ARFGEF1: variants seen among roughly 807,000 people sequenced by gnomAD.
ARFGEF1 encodes the protein ARF guanine nucleotide exchange factor 1.
ARFGEF1 carries 42 observed loss-of-function variants against 231.0 expected under a neutral mutation model. That is an observed-to-expected ratio of 0.18 (90% CI 0.14 to 0.24). ARFGEF1 has a LOEUF of 0.24. Ranked by LOEUF, ARFGEF1 falls within the 10% of genes least tolerant of loss-of-function variation. The pLI, the probability that ARFGEF1 is intolerant of heterozygous loss-of-function variation, is 1.00. For missense variants in ARFGEF1, 1,345 were observed against 2,192.0 expected, an observed-to-expected ratio of 0.61 and a Z score of 7.72; for synonymous variants, 710 against 732.3, an observed-to-expected ratio of 0.97 and a Z score of 0.49.
chr8:67,340,356 C>A (rs1808570723), intron 1 of ARFGEF1, among the ~76,000 whole-genome samples: 1 of 151,342 alleles, frequency 6.6e-6, no homozygotes, highest in East Asian at 1.9e-4. Context: ...CACCTACCCA[C>A]TCACAATCTA....
chr8:67,284,702 A>C (rs1018610478), intron 7 of ARFGEF1, among the ~76,000 whole-genome samples: 1 of 152,184 alleles, frequency 6.6e-6, no homozygotes, highest in African/African-American at 2.4e-5. Context: ...CGTGAAGTAG[A>C]ACTACAAATA....
intron 5 of ARFGEF1, among the ~76,000 whole-genome samples, chr8:67,187,729 C>CT (rs1554623305): frequency 6.6e-6 from 1 of 152,148 alleles, no homozygotes; most frequent in Non-Finnish European, 1.5e-5. Context: ...CAGCTGATCT[C>CT]TGACAGAGGA....
At chr8:67,287,179 CTG>C (rs1439551792) in intron 7 of ARFGEF1, among the ~76,000 whole-genome samples, 2 of 152,210 alleles carry the variant, frequency 1.3e-5, no homozygotes, top group Admixed American at 6.5e-5. Flanking sequence ...AAGTGACTCA[CTG>C]TGTCTAAACT....
At chr8:67,178,975 TGTA>T (rs1447592475) in intron 5 of ARFGEF1, among the ~76,000 whole-genome samples, 1 of 152,182 alleles carries the variant, frequency 6.6e-6, no homozygotes, top group African/African-American at 2.4e-5. Flanking sequence ...AGGAGGCTAT[TGTA>T]GTAATTTAGG....
intron 5 of ARFGEF1, among the ~76,000 whole-genome samples, chr8:67,176,056 G>A (rs1382877896): frequency 6.9e-6 from 1 of 144,268 alleles, no homozygotes; most frequent in South Asian, 2.4e-4. Flanking sequence ...GATGAATATC[G>A]CACAGAAGAA....
At chr8:67,271,081 C>T (rs1481008948) in intron 10 of ARFGEF1, among the ~76,000 whole-genome samples, 2 of 144,906 alleles carry the variant, frequency 1.4e-5, no homozygotes, top group Non-Finnish European at 3.0e-5. Flanking sequence ...GGTACACTTG[C>T]ACAACACATG....
intron 1 of ARFGEF1, among the ~76,000 whole-genome samples, chr8:67,328,321 T>A (rs1563918341): frequency 6.6e-6 from 1 of 152,222 alleles, no homozygotes; most frequent in South Asian, 2.1e-4. Context: ...GCCTGGATAT[T>A]TACAAGATTA....
At chr8:67,311,654 G>A (rs1807073192) in intron 1 of ARFGEF1, among the ~76,000 whole-genome samples, 1 of 151,856 alleles carries the variant, frequency 6.6e-6, no homozygotes. Context: ...CCCCGTCCGG[G>A]AGGTGAGGGG....
intron 7 of ARFGEF1, among the ~76,000 whole-genome samples, chr8:67,282,853 AAAAAAAAG>A (rs1396603248): frequency 1.3e-5 from 2 of 151,812 alleles, no homozygotes; most frequent in African/African-American, 4.8e-5. Flanking sequence ...ATCTCAAAAA[AAAAAAAAG>A]AAAGAAAGAA....
At chr8:67,179,635 G>A (rs1832536837) in intron 5 of ARFGEF1, among the ~76,000 whole-genome samples, 1 of 152,206 alleles carries the variant, frequency 6.6e-6, no homozygotes. Context: ...TGTAGAATCT[G>A]TAGCCTGGAG....
chr8:67,327,799 T>A (rs774754075), intron 1 of ARFGEF1, among the ~76,000 whole-genome samples: 4 of 152,236 alleles, frequency 2.6e-5, no homozygotes, highest in Non-Finnish European at 5.9e-5. Context: ...CTTTTTCCAA[T>A]CATTCATCTT....
At chr8:67,219,701 A>T in intron 29 of ARFGEF1, 141 bp from the exon 30 acceptor site, 1 of 850,754 alleles carries the variant, frequency 1.2e-6, no homozygotes, top group Non-Finnish European at 1.7e-6. Flanking sequence ...GGGTTTTAAA[A>T]AATTTAAGTT....
At chr8:67,246,828 T>TAGATAAACTTGACAA (rs1840121991) in intron 19 of ARFGEF1, among the ~76,000 whole-genome samples, 1 of 149,600 alleles carries the variant, frequency 6.7e-6, no homozygotes. Flanking sequence ...TCTGAAATGA[T>TAGATAAACTTGACAA]AGATAAACTT....
intron 1 of ARFGEF1, among the ~76,000 whole-genome samples, chr8:67,323,159 G>A (rs1587318124): frequency 3.9e-5 from 6 of 152,182 alleles, no homozygotes; most frequent in Admixed American, 3.9e-4. Context: ...GGCTGAGGCA[G>A]GAGAATTGCT....
At chr8:67,291,195 T>C (rs545713651) in intron 6 of ARFGEF1, among the ~76,000 whole-genome samples, 10 of 151,972 alleles carry the variant, frequency 6.6e-5, no homozygotes, top group Non-Finnish European at 1.5e-4. Context: ...AAGCTGAAAA[T>C]AACATTTAGG....
At position 67,233,629 on chromosome 8, in the gene ARFGEF1, A is replaced by C. The variant is rs534508158; in HGVS notation, c.3290-684T>G. ...CTGGCCCTCATAATCTCAGTCCTAG[A>C]TTACTGAAACCATTTCATGAGTGAT... On this transcript the variant is annotated intron_variant, in intron 22 of 38. Transcript: ENST00000262215. Among the ~76,000 whole-genome samples the C allele has an allele frequency of 1.3e-4, 20 of 152,034 alleles. No homozygotes were observed. The South Asian group carries it at 3.5e-3, about 27-fold the overall frequency.
chr8:67,289,506 G>T (rs758199279), intron 6 of ARFGEF1, among the ~76,000 whole-genome samples: 2 of 121,008 alleles, frequency 1.7e-5, no homozygotes, highest in Non-Finnish European at 3.2e-5. Context: ...CCATGATTGT[G>T]TAATTGCACT....
At chr8:67,342,072 T>C (rs928335301) in intron 1 of ARFGEF1, among the ~76,000 whole-genome samples, 7 of 152,248 alleles carry the variant, frequency 4.6e-5, no homozygotes, top group Admixed American at 1.3e-4. Flanking sequence ...CTTTAAGTTA[T>C]TGTGGATTTT....
intron 35 of ARFGEF1, among the ~76,000 whole-genome samples, chr8:67,203,668 C>G (rs939752016): frequency 6.6e-6 from 1 of 152,268 alleles, no homozygotes; most frequent in African/African-American, 2.4e-5. Context: ...GGTGCTAGCC[C>G]AGCCCTTGGC....
Sources: gnomAD v4.1 joint callset for allele counts (sites outside exome capture counted in the v4.1 genomes callset) on GRCh38, gnomAD v4.1.1 for gene constraint, MANE v1.5 for transcripts, NCBI Gene and HGNC (gene_info 2026-07-23, HGNC 2026-07-21) for gene names.